Variants in KANSL1 observed in about 807,000 individuals in gnomAD.
KANSL1 encodes the protein MLL1/MLL complex subunit KANSL1.
KANSL1 carries 22 observed loss-of-function variants against 103.6 expected under a neutral mutation model. That is an observed-to-expected ratio of 0.21 (90% CI 0.15 to 0.30). The LOEUF (loss-of-function observed/expected upper bound fraction) is 0.30, where lower values mean the gene tolerates loss of function less well. Ranked by LOEUF, KANSL1 falls within the 10% of genes least tolerant of loss-of-function variation. KANSL1 has a pLI of 1.00. For missense variants in KANSL1, 1,337 were observed against 1,399.8 expected, an observed-to-expected ratio of 0.96 and a Z score of 0.72; for synonymous variants, 600 against 527.6, an observed-to-expected ratio of 1.14 and a Z score of -1.88.
intron 6 of KANSL1, among the ~76,000 whole-genome samples, chr17:46,062,091 CAAAAA>C (rs35638067): frequency 1.2e-3 from 81 of 70,068 alleles, no homozygotes; most frequent in Middle Eastern, 8.2e-3. Context: ...GACTCCGACT[CAAAAA>C]AAAAAAAAAA....
intron 10 of KANSL1, chr17:46,037,365 C>T (rs970663000): frequency 2.6e-5 from 4 of 152,174 alleles, no homozygotes; most frequent in Admixed American, 2.6e-4. Flanking sequence ...GCAAAGAGAC[C>T]ATTTGGAAAA....
intron 2 of KANSL1, among the ~76,000 whole-genome samples, chr17:46,117,018 T>C (rs2043074540): frequency 1.3e-5 from 2 of 152,226 alleles, no homozygotes; most frequent in Non-Finnish European, 2.9e-5. Flanking sequence ...AAAATTTTTA[T>C]GAGGGAATGT....
At chr17:46,069,861 CAT>C (rs1347474596) in intron 4 of KANSL1, among the ~76,000 whole-genome samples, 2 of 151,848 alleles carry the variant, frequency 1.3e-5, no homozygotes, top group Admixed American at 6.6e-5. Flanking sequence ...ACAGACAAGT[CAT>C]ATAAGTATGC....
At chr17:46,182,732 A>G (rs2046848902) in intron 1 of KANSL1, among the ~76,000 whole-genome samples, 1 of 152,270 alleles carries the variant, frequency 6.6e-6, no homozygotes, top group Non-Finnish European at 1.5e-5. Context: ...TCCTCATTTT[A>G]TAGATGCTCA....
chr17:46,168,646 C>T (rs1204333424), intron 2 of KANSL1, among the ~76,000 whole-genome samples: 1 of 152,310 alleles, frequency 6.6e-6, no homozygotes, highest in South Asian at 2.1e-4. Flanking sequence ...CCACCGTGCC[C>T]GGCCCTAAAT....
chr17:46,186,119 T>C (rs1202061882), intron 1 of KANSL1, among the ~76,000 whole-genome samples: 2 of 151,660 alleles, frequency 1.3e-5, no homozygotes, highest in African/African-American at 4.9e-5. Context: ...CTCATGCCTG[T>C]AATACCAGCA....
At chr17:46,134,666 C>A (rs62063208) in intron 2 of KANSL1, among the ~76,000 whole-genome samples, 21,616 of 151,696 alleles carry the variant, frequency 0.14, 2,113 homozygotes, top group Non-Finnish European at 0.22. Context: ...ATGGCGAAAC[C>A]CCACCTCTAC....
Position 46,031,581 on chromosome 17 carries a change from C to T in KANSL1, c.3213G>A (p.Lys1071=). The T allele has an allele frequency of 6.2e-7, 1 of 1,614,150 alleles. No individual in the cohort carries two copies. Among genetic ancestry groups the T allele is most frequent in the Non-Finnish European group, 8.5e-7 (1 of 1,180,032 alleles). The part of the protein sequence containing the change: ...ARCTRRTSGS[K]TGRETEAAPT... ...GCGCTGCCTCTGTCTCCCGGCCAGT[C>T]TTGCTGCCTGAGGTGCGTCGAGTGC... Residue 1071 remains lysine (K), a synonymous_variant, in exon 15 of 15, where the codon AAG becomes AAA. Transcript: ENST00000432791.
At position 46,140,529 on chromosome 17, in the gene KANSL1, CA is replaced by C. The variant is rs142629715; in HGVS notation, c.1289+30325del. 7.7e-4 allele frequency among the ~76,000 whole-genome samples: 111 copies of C among 144,598 alleles called. No homozygotes were observed. In the East Asian group the frequency reaches 0.012, roughly 15 times the overall value. 94.9% of individuals were successfully genotyped at this position (144,598 alleles called of 152,430 possible). ...GCTGTGACACAAAAAGCAAAAGAAA[CA>C]AAAAAAAAACATAAATTGGACTATA... On this transcript the variant is annotated intron_variant, in intron 2 of 14. Coordinates refer to ENST00000432791, the MANE Select transcript of KANSL1 (RefSeq NM_015443.4).
intron 2 of KANSL1, among the ~76,000 whole-genome samples, chr17:46,148,960 A>G: frequency 6.7e-6 from 1 of 150,272 alleles, no homozygotes; most frequent in Non-Finnish European, 1.5e-5. Context: ...AAGTTACCAA[A>G]TTCAAAAAAT....
intron 2 of KANSL1, among the ~76,000 whole-genome samples, chr17:46,107,445 G>C (rs1352491574): frequency 6.8e-6 from 1 of 147,484 alleles, no homozygotes; most frequent in Non-Finnish European, 1.5e-5. Flanking sequence ...TCCATCACCA[G>C]TATCCAACAA....
At chr17:46,071,761 A>G (rs1257629335) in intron 4 of KANSL1, among the ~76,000 whole-genome samples, 1 of 152,220 alleles carries the variant, frequency 6.6e-6, no homozygotes, top group Non-Finnish European at 1.5e-5. Context: ...TACCTAGAAA[A>G]TAAGGATTAT....
chr17:46,168,203 TG>T (rs1008708061), intron 2 of KANSL1, among the ~76,000 whole-genome samples: 2 of 152,266 alleles, frequency 1.3e-5, no homozygotes, highest in African/African-American at 4.8e-5. Context: ...TCTCATTGTC[TG>T]GTCAACTGCT....
chr17:46,161,210 C>A (rs568448009), intron 2 of KANSL1, among the ~76,000 whole-genome samples: 18 of 134,798 alleles, frequency 1.3e-4, no homozygotes, highest in Admixed American at 1.1e-3. Context: ...GTCAGCAGAT[C>A]GAGACCATCC....
At chr17:46,183,602 G>A (rs1008745040) in intron 1 of KANSL1, among the ~76,000 whole-genome samples, 7 of 151,388 alleles carry the variant, frequency 4.6e-5, no homozygotes, top group Admixed American at 3.3e-4. Flanking sequence ...AGGGGAGAGG[G>A]GAGAGGAGGT....
At position 46,033,207 on chromosome 17, in the gene KANSL1, C is replaced by T. The variant is rs1418045572; in HGVS notation, c.2725-15G>A. ...AGGTCCTCAATCTGCAATAGAGCAGCTTCATCGATCCCCTCTTTTCTCCAG... is the reference window on the plus strand; with the variant it reads ...AGGTCCTCAATCTGCAATAGAGCAGTTTCATCGATCCCCTCTTTTCTCCAG... On this transcript the variant is annotated splice_polypyrimidine_tract_variant and intron_variant, in intron 12 of 14. Transcript: ENST00000432791. The T allele has an allele frequency of 6.4e-7, 1 of 1,566,462 alleles. No individual in the cohort carries two copies. Among genetic ancestry groups the T allele is most frequent in the Non-Finnish European group, 8.7e-7 (1 of 1,147,266 alleles).
chr17:46,116,935 A>C (rs1291919774), intron 2 of KANSL1, among the ~76,000 whole-genome samples: 2 of 152,286 alleles, frequency 1.3e-5, no homozygotes, highest in Non-Finnish European at 2.9e-5. Flanking sequence ...AGTAATCAAC[A>C]GTAATACTGA....
rs569767687 is a variant in KANSL1, at chr17:46,193,004, G to C, written c.-271C>G. 6 of 152,294 alleles carry C rather than the reference G, an allele frequency of 3.9e-5. No homozygotes were observed. The highest frequency in any genetic ancestry group is 2.1e-4 in the South Asian group (1 of 4,838). 9.4% of individuals were successfully genotyped at this position (152,294 alleles called of 1,614,324 possible). On this transcript the variant is annotated 5_prime_UTR_variant, in exon 1 of 15. Transcript: ENST00000432791. ...CGGAGCCGCCCTGACTTTCCGGGCG[G>C]GGGGGCGAGGCAGAGGGGGAGGGGA...
intron 2 of KANSL1, among the ~76,000 whole-genome samples, chr17:46,162,555 T>C (rs573978307): frequency 1.2e-4 from 18 of 152,258 alleles, no homozygotes; most frequent in Admixed American, 2.0e-4. Flanking sequence ...GAATCACCCA[T>C]GGCACCTCTT....
Sources: allele counts gnomAD v4.1 joint callset (sites outside exome capture counted in the v4.1 genomes callset), GRCh38; gene constraint gnomAD v4.1.1; transcripts MANE v1.5; gene names NCBI Gene and HGNC (gene_info 2026-07-23, HGNC 2026-07-21).